Variants in FUT8 observed in about 807,000 individuals in gnomAD.
FUT8 encodes the protein fucosyltransferase 8, also known as alpha-(1,6)-fucosyltransferase.
A neutral mutation model predicts 71.3 loss-of-function variants in FUT8; 29 were observed. That is an observed-to-expected ratio of 0.41 (90% CI 0.30 to 0.55). The LOEUF (loss-of-function observed/expected upper bound fraction) is 0.55. FUT8 is among the 20% of genes least tolerant of loss of function. FUT8 has a pLI of 0.34. For missense variants in FUT8, 544 were observed against 702.1 expected (o/e 0.77, Z 2.55); for synonymous variants, 254 against 239.3 (o/e 1.06, Z -0.57).
intron 2 of FUT8, among the ~76,000 whole-genome samples, chr14:65,553,195 T>G (rs1366854439): frequency 6.6e-6 from 1 of 152,184 alleles, no homozygotes; most frequent in Non-Finnish European, 1.5e-5. Flanking sequence ...CTAATTTAAA[T>G]AGTTGCATGT....
At chr14:65,625,502 G>T (rs965679765) in intron 5 of FUT8, among the ~76,000 whole-genome samples, 3 of 152,210 alleles carry the variant, frequency 2.0e-5, no homozygotes, top group African/African-American at 7.2e-5. Flanking sequence ...GGTTTTTGCA[G>T]CCAAAGTCTC....
chr14:65,362,832 T>G, the FUT8 span, among the ~76,000 whole-genome samples: 15 of 151,322 alleles, frequency 9.9e-5, no homozygotes, highest in East Asian at 4.0e-4. Context: ...CGTGGTGGTG[T>G]GTGCCTGTAG....
At chr14:65,508,425 T>C (rs1444256444) in intron 2 of FUT8, among the ~76,000 whole-genome samples, 8 of 150,590 alleles carry the variant, frequency 5.3e-5, no homozygotes, top group Non-Finnish European at 8.9e-5. Context: ...TTTTTGAAAA[T>C]GTCTGTTCAG....
At chr14:65,684,602 C>A (rs897073549) in intron 7 of FUT8, among the ~76,000 whole-genome samples, 14 of 152,184 alleles carry the variant, frequency 9.2e-5, no homozygotes, top group Admixed American at 5.2e-4. Flanking sequence ...TGTGTCCCCA[C>A]CCAAACCTCA....
chr14:65,364,155 C>T, the FUT8 span, among the ~76,000 whole-genome samples: 33 of 152,264 alleles, frequency 2.2e-4, no homozygotes, highest in African/African-American at 7.7e-4. Flanking sequence ...ATCTTTCCTA[C>T]CTCACAGGTT....
At chr14:65,516,780 A>G (rs943096756) in intron 2 of FUT8, among the ~76,000 whole-genome samples, 2 of 152,026 alleles carry the variant, frequency 1.3e-5, no homozygotes, top group Non-Finnish European at 2.9e-5. Context: ...ATTTTTAAGT[A>G]TACAGTTCAT....
intron 7 of FUT8, among the ~76,000 whole-genome samples, chr14:65,695,232 A>C (rs1248134595): frequency 6.6e-6 from 1 of 152,156 alleles, no homozygotes; most frequent in Non-Finnish European, 1.5e-5. Flanking sequence ...CCTGCTGGTT[A>C]TGTCAATTAC....
At chr14:65,361,188 T>G in the FUT8 span, among the ~76,000 whole-genome samples, 10 of 151,742 alleles carry the variant, frequency 6.6e-5, no homozygotes, top group Non-Finnish European at 1.3e-4. Flanking sequence ...AAACCCCGTC[T>G]CTACTAAAAA....
At chr14:65,715,626 C>G (rs748891205) in intron 7 of FUT8, among the ~76,000 whole-genome samples, 3 of 152,174 alleles carry the variant, frequency 2.0e-5, no homozygotes, top group Non-Finnish European at 4.4e-5. Context: ...ACTGCTTTCA[C>G]TGTATCCCAT....
chr14:65,404,164 C>A, the FUT8 span, among the ~76,000 whole-genome samples: 1 of 150,320 alleles, frequency 6.7e-6, no homozygotes, highest in East Asian at 2.0e-4. Flanking sequence ...CTGTGCGGGG[C>A]CAGATTTGTT....
rs1321485631 is a variant in FUT8, at chr14:65,574,024, C to T, written c.203+12258C>T. 6.6e-6 allele frequency among the ~76,000 whole-genome samples: 1 copy of T among 152,098 alleles called. No individual in the cohort carries two copies. Among genetic ancestry groups the T allele is most frequent in the African/African-American group, 2.4e-5 (1 of 41,396 alleles). On this transcript the variant is annotated intron_variant, in intron 3 of 10. Transcript: ENST00000673929. The surrounding 1 kb of genome is among the most constrained non-coding windows in gnomAD (Gnocchi z 5.2). ...CTCACAAAGGTACAAAAGGTGTTGACTGGGTCTGCAGTTTATTTCAAGGCT... is the reference window on the plus strand; with the variant it reads ...CTCACAAAGGTACAAAAGGTGTTGATTGGGTCTGCAGTTTATTTCAAGGCT...
rs375788360 is a variant in FUT8, at chr14:65,641,101, A to G, written c.597+11495A>G. ...GACGTATACAGACACCCATGAAACC[A>G]TCACCACAATCAAGATAGTGAACTT... On this transcript the variant is annotated intron_variant, in intron 6 of 10. Coordinates refer to ENST00000673929, the MANE Select transcript of FUT8 (RefSeq NM_001371533.1). Among the ~76,000 whole-genome samples the G allele has an allele frequency of 1.4e-4, 21 of 152,306 alleles. 3 individuals carry two copies. Among genetic ancestry groups the G allele is most frequent in the African/African-American group, 4.3e-4 (18 of 41,582 alleles).
chr14:65,447,059 A>T lies in FUT8; in HGVS notation c.-325-8562A>T, dbSNP rs113151340. On this transcript the variant is annotated intron_variant, in intron 1 of 10. Coordinates refer to ENST00000673929, the MANE Select transcript of FUT8 (RefSeq NM_001371533.1). The stretch of plus-strand genomic sequence containing the variant: ...ATAATCTGAAAATTTTCTCTATGCT[A>T]TCCTATAAATGTTGTAACCTTTCTT... Among the ~76,000 whole-genome samples, 1,100 of 151,810 alleles carry T rather than the reference A, an allele frequency of 7.2e-3. 13 individuals are homozygous for T. The highest frequency in any genetic ancestry group is 0.024 in the African/African-American group (998 of 41,418).
At chr14:65,541,655 A>T (rs1466214256) in intron 2 of FUT8, among the ~76,000 whole-genome samples, 1 of 152,202 alleles carries the variant, frequency 6.6e-6, no homozygotes, top group Non-Finnish European at 1.5e-5. Context: ...CATGTTCTTT[A>T]TTCAGTCTAC....
At chr14:65,507,598 C>A (rs924652219) in intron 2 of FUT8, among the ~76,000 whole-genome samples, 2 of 152,154 alleles carry the variant, frequency 1.3e-5, no homozygotes, top group African/African-American at 4.8e-5. Flanking sequence ...ACGCAGTGAC[C>A]TCTGGTTCCA....
intron 3 of FUT8, among the ~76,000 whole-genome samples, chr14:65,584,819 T>C (rs1167087663): frequency 6.6e-6 from 1 of 152,254 alleles, no homozygotes; most frequent in Non-Finnish European, 1.5e-5. Context: ...TTAGTTTGTG[T>C]ATGTTTGTAT....
intron 2 of FUT8, among the ~76,000 whole-genome samples, chr14:65,508,060 T>C (rs1882044798): frequency 6.9e-6 from 1 of 145,874 alleles, no homozygotes; most frequent in African/African-American, 2.5e-5. Context: ...ATCAGTGATG[T>C]TAAACACTTT....
chr14:65,393,924 G>C, the FUT8 span, among the ~76,000 whole-genome samples: 1 of 152,200 alleles, frequency 6.6e-6, no homozygotes, highest in Non-Finnish European at 1.5e-5. Flanking sequence ...GCAAGACAGA[G>C]TGAGAGCCAA....
intron 2 of FUT8, among the ~76,000 whole-genome samples, chr14:65,524,071 C>T (rs1883275970): frequency 6.6e-6 from 1 of 152,104 alleles, no homozygotes; most frequent in African/African-American, 2.4e-5. Context: ...TTTTTGGTTC[C>T]ATATGAACTT....
Sources: gnomAD v4.1 joint callset for allele counts (sites outside exome capture counted in the v4.1 genomes callset) on GRCh38, gnomAD v4.1.1 for gene constraint, Gnocchi (gnomAD v3.1) non-coding constraint, MANE v1.5 for transcripts, NCBI Gene and HGNC (gene_info 2026-07-23, HGNC 2026-07-21) for gene names.